Variants in AKAP6 observed in about 807,000 individuals in gnomAD.
AKAP6 encodes A-kinase anchoring protein 6, also known as A-kinase anchor protein 6.
In AKAP6, 58 loss-of-function variants were observed where a neutral mutation model predicts 188.5. The ratio of observed to expected loss-of-function variants is 0.31; its 90% CI spans 0.25 to 0.38. The LOEUF is 0.38. Among genes scored for constraint, AKAP6 ranks in the 10% least tolerant of loss-of-function variants. The pLI is 1.00. For missense variants in AKAP6, 2,710 were observed against 2,740.0 expected, an observed-to-expected ratio of 0.99 and a Z score of 0.24; for synonymous variants, 989 against 998.6, an observed-to-expected ratio of 0.99 and a Z score of 0.18.
chr14:32,432,751 A>T (rs753807832), intron 1 of AKAP6, among the ~76,000 whole-genome samples: 15 of 152,184 alleles, frequency 9.9e-5, no homozygotes, highest in Non-Finnish European at 1.8e-4. Flanking sequence ...AGTCAAAATG[A>T]TGTTTGAATA....
intron 2 of AKAP6, among the ~76,000 whole-genome samples, chr14:32,531,574 C>T (rs978357050): frequency 2.5e-4 from 37 of 150,454 alleles, no homozygotes; most frequent in African/African-American, 9.1e-4. Flanking sequence ...TTGCATAACA[C>T]CTCCACAATC....
Position 32,823,586 on chromosome 14 carries a change from A to G in AKAP6, c.5773A>G (p.Lys1925Glu). 2 of 1,613,976 alleles carry G rather than the reference A, an allele frequency of 1.2e-6. No individual in the cohort carries two copies. The highest frequency in any genetic ancestry group is 1.7e-4 in the Middle Eastern group (1 of 6,060). The part of the protein sequence containing the change: ...KVSENLGSHG[K>E]EISESEHCKC... ...ATCAGAAAATCTTGGTTCACATGGG[A>G]AAGAGATTTCAGAGAGTGAGCATTG... Residue 1925 changes from lysine to glutamate, a missense_variant, in exon 13 of 14, where the codon AAA (lysine) becomes GAA (glutamate). Physicochemically the swap from Lys to Glu is moderately conservative, Grantham distance 56. Coordinates refer to ENST00000280979, the MANE Select transcript of AKAP6 (RefSeq NM_004274.5).
chr14:32,786,296 A>ATGTTTTTTGTTTTTTTTTTTTT, intron 12 of AKAP6, among the ~76,000 whole-genome samples: 1 of 93,706 alleles, frequency 1.1e-5, no homozygotes, highest in Non-Finnish European at 2.1e-5. Context: ...CTAAACCTTT[A>ATGTTTTTTGTTTTTTTTTTTTT]TCTTTTTTTT....
chr14:32,832,364 T>C lies in AKAP6; in HGVS notation c.*2559T>C, dbSNP rs1360023955. 1.3e-5 allele frequency: 2 copies of C among 152,204 alleles called. No individual in the cohort carries two copies. Among genetic ancestry groups the C allele is most frequent in the Non-Finnish European group, 2.9e-5 (2 of 68,032 alleles). The allele number at this position is 152,204 out of a possible 1,614,324, so 9.4% of individuals were successfully genotyped here. On this transcript the variant is annotated 3_prime_UTR_variant, in exon 14 of 14. Coordinates refer to ENST00000280979, the MANE Select transcript of AKAP6 (RefSeq NM_004274.5). ...TTTGGGTAGTAACTAATGTCAAGTC[T>C]ACATCGACTGGTAAAACATTCAAAG...
chr14:32,546,089 C>T lies in AKAP6; in HGVS notation c.1436C>T (p.Ser479Phe), dbSNP rs752377246. 12 of 1,614,070 alleles carry T rather than the reference C, an allele frequency of 7.4e-6. No homozygotes were observed. The highest frequency in any genetic ancestry group is 1.0e-5 in the Non-Finnish European group (12 of 1,180,034). ...NTVKFHIKEI[S>F]SSLGRLNDCY... is the part of the protein sequence containing the mutation. ...GTCAAATTTCACATTAAAGAAATTT[C>T]TTCCAGCCTGGGAAGGCTTAACGAC... Residue 479 changes from serine to phenylalanine, a missense_variant, in exon 4 of 14, where the codon TCT becomes TTT. This residue lies in a region of AKAP6 where 2,473 missense variants were observed against 2,426.1 expected (regional missense o/e 1.02). Coordinates refer to ENST00000280979, the MANE Select transcript of AKAP6 (RefSeq NM_004274.5).
chr14:32,780,869 T>A (rs1405753831), intron 12 of AKAP6, among the ~76,000 whole-genome samples: 1 of 152,096 alleles, frequency 6.6e-6, no homozygotes, highest in Non-Finnish European at 1.5e-5. Flanking sequence ...AATCCTCAAA[T>A]ACATGGAAGC....
At chr14:32,786,974 A>C (rs1011736741) in intron 12 of AKAP6, among the ~76,000 whole-genome samples, 3 of 152,234 alleles carry the variant, frequency 2.0e-5, no homozygotes, top group Non-Finnish European at 4.4e-5. Flanking sequence ...TTACACATTT[A>C]TTGGCCCCAA....
At chr14:32,475,088 G>A (rs987503552) in intron 2 of AKAP6, among the ~76,000 whole-genome samples, 38 of 152,228 alleles carry the variant, frequency 2.5e-4, no homozygotes, top group Non-Finnish European at 3.5e-4. Context: ...TGTAGTACTC[G>A]TCTATAATTT....
chr14:32,560,746 C>T (rs969760429), intron 4 of AKAP6, among the ~76,000 whole-genome samples: 1 of 152,038 alleles, frequency 6.6e-6, no homozygotes, highest in African/African-American at 2.4e-5. Context: ...TTTTTAAATT[C>T]AACTAAAATG....
In AKAP6 at chr14:32,582,133, C is replaced by T. The variant is rs1235290733; in HGVS notation, c.2469+4891C>T. ...GGCATGATTTTGCAGTGGCTGGTAC[C>T]GGTTGTTCCTTTCCATGTTTAGTGC... On this transcript the variant is annotated intron_variant, in intron 5 of 13. Coordinates refer to ENST00000280979, the MANE Select transcript of AKAP6 (RefSeq NM_004274.5). 1.2e-4 allele frequency among the ~76,000 whole-genome samples: 18 copies of T among 151,816 alleles called. 1 individual carries two copies. The highest frequency in any genetic ancestry group is 4.2e-4 in the South Asian group (2 of 4,802).
intron 2 of AKAP6, among the ~76,000 whole-genome samples, chr14:32,458,096 G>A (rs1343134606): frequency 6.6e-6 from 1 of 152,088 alleles, no homozygotes; most frequent in East Asian, 1.9e-4. Context: ...TGTTTAGGAT[G>A]GAAATTCTTT....
At chr14:32,394,839 A>G (rs1888826769) in intron 1 of AKAP6, among the ~76,000 whole-genome samples, 1 of 152,158 alleles carries the variant, frequency 6.6e-6, no homozygotes, top group Non-Finnish European at 1.5e-5. Context: ...TAAGCGCTAT[A>G]TATTTGCCAT....
At chr14:32,330,326 G>A (rs113072637) in intron 1 of AKAP6, among the ~76,000 whole-genome samples, 1 of 152,042 alleles carries the variant, frequency 6.6e-6, no homozygotes, top group Non-Finnish European at 1.5e-5. Flanking sequence ...CTCTAAACAC[G>A]TATCATTTTC....
intron 1 of AKAP6, among the ~76,000 whole-genome samples, chr14:32,344,221 C>T (rs528919144): frequency 6.6e-6 from 1 of 152,194 alleles, no homozygotes; most frequent in African/African-American, 2.4e-5. Flanking sequence ...ACAGTGTTGT[C>T]ATCATTCTAG....
chr14:32,575,521 T>G (rs1884675256), intron 4 of AKAP6, among the ~76,000 whole-genome samples: 2 of 152,150 alleles, frequency 1.3e-5, no homozygotes, highest in Admixed American at 6.6e-5. Context: ...AACTACCATA[T>G]AGTTCCCAGC....
At chr14:32,468,858 C>T (rs1878608386) in intron 2 of AKAP6, among the ~76,000 whole-genome samples, 1 of 152,094 alleles carries the variant, frequency 6.6e-6, no homozygotes, top group Non-Finnish European at 1.5e-5. Flanking sequence ...CCACCTTCAT[C>T]AAAATTATTA....
In AKAP6 at chr14:32,613,693, C is replaced by T. The variant is rs563830443; in HGVS notation, c.2730+12901C>T. Among the ~76,000 whole-genome samples the T allele has an allele frequency of 1.9e-4, 29 of 152,210 alleles. No homozygotes were observed. The South Asian group carries it at 6.0e-3, about 32-fold the overall frequency. Reference sequence around the variant, plus strand: ...TGTGTTGGAATTTTCCTCCTTAAGACTTTGGAGGTTCTCTTACCTGGCCTG... The same window carrying T: ...TGTGTTGGAATTTTCCTCCTTAAGATTTTGGAGGTTCTCTTACCTGGCCTG... On this transcript the variant is annotated intron_variant, in intron 7 of 13. Transcript: ENST00000280979.
At chr14:32,760,024 C>G (rs2032483967) in intron 11 of AKAP6, among the ~76,000 whole-genome samples, 2 of 152,198 alleles carry the variant, frequency 1.3e-5, no homozygotes. Context: ...GTTTGCTTTG[C>G]TTACGCATGT....
chr14:32,621,776 A>G (rs12888621), intron 7 of AKAP6, among the ~76,000 whole-genome samples: 57,221 of 151,770 alleles, frequency 0.38, 11,448 homozygotes, highest in East Asian at 0.73. Flanking sequence ...AGTTGAAGTC[A>G]CCCACTATTA....
Sources: allele counts gnomAD v4.1 joint callset (sites outside exome capture counted in the v4.1 genomes callset), GRCh38; gene constraint gnomAD v4.1.1; regional missense constraint gnomAD v4.1.1; transcripts MANE v1.5; gene names NCBI Gene and HGNC (gene_info 2026-07-23, HGNC 2026-07-21).